The following ANTXR1 variants were observed in gnomAD, a reference collection of about 807,000 sequenced individuals.
ANTXR1 encodes anthrax toxin receptor 1.
In ANTXR1, 19 loss-of-function variants were observed where a neutral mutation model predicts 78.1. The observed-to-expected ratio is 0.24, with a 90% CI of 0.17 to 0.36. ANTXR1 has a LOEUF of 0.36. Ranked by LOEUF, ANTXR1 falls within the 10% of genes least tolerant of loss-of-function variation. The pLI, the probability that ANTXR1 is intolerant of heterozygous loss-of-function variation, is 1.00. For missense variants in ANTXR1, 518 were observed against 718.6 expected (o/e 0.72, Z 3.19); for synonymous variants, 273 against 260.5 (o/e 1.05, Z -0.46).
At chr2:69,148,171 G>A (rs566128136) in intron 12 of ANTXR1, among the ~76,000 whole-genome samples, 1 of 152,124 alleles carries the variant, frequency 6.6e-6, no homozygotes, top group South Asian at 2.1e-4. Context: ...GTTCCCCTGG[G>A]CTCAGGATAG....
At chr2:69,015,559 G>T (rs1392571129) in intron 1 of ANTXR1, among the ~76,000 whole-genome samples, 1 of 151,944 alleles carries the variant, frequency 6.6e-6, no homozygotes, top group Non-Finnish European at 1.5e-5. Flanking sequence ...AATGAAAAAG[G>T]TTAGATTTAT....
chr2:69,074,675 T>C (rs1670675476), intron 6 of ANTXR1, among the ~76,000 whole-genome samples: 1 of 151,932 alleles, frequency 6.6e-6, no homozygotes, highest in Non-Finnish European at 1.5e-5. Context: ...ATTTCTAACA[T>C]GAAGGAAAAA....
At chr2:69,226,563 G>A (rs899911192) in intron 17 of ANTXR1, among the ~76,000 whole-genome samples, 1 of 152,166 alleles carries the variant, frequency 6.6e-6, no homozygotes, top group African/African-American at 2.4e-5. Flanking sequence ...AGTGAGAGGA[G>A]GCTGAGAAGA....
rs62135615 is a variant in ANTXR1, at chr2:69,041,625, G to T, written c.224+1510G>T. 8.1e-3 allele frequency among the ~76,000 whole-genome samples: 1,232 copies of T among 152,240 alleles called. 17 individuals carry two copies. Among genetic ancestry groups the T allele is most frequent in the African/African-American group, 0.028 (1,158 of 41,546 alleles). ...CCTAGTTTATATATGAGGCTTATAA[G>T]AGAAAACATGTGCAAGCCCACCAGT... On this transcript the variant is annotated intron_variant, in intron 2 of 17. Coordinates refer to ENST00000303714, the MANE Select transcript of ANTXR1 (RefSeq NM_032208.3).
At chr2:69,245,083 A>G in intron 17 of ANTXR1, 142 bp from the exon 18 acceptor site, 1 of 927,784 alleles carries the variant, frequency 1.1e-6, no homozygotes, top group Non-Finnish European at 1.8e-6. Context: ...ACTTGTCCTC[A>G]AGTTCTACTA....
intron 1 of ANTXR1, among the ~76,000 whole-genome samples, chr2:69,027,303 C>T (rs140367619): frequency 2.4e-4 from 37 of 152,238 alleles, no homozygotes; most frequent in South Asian, 8.3e-4. Flanking sequence ...TCCAGGGAAA[C>T]GGCAGAGTTT....
chr2:69,206,831 G>A (rs1396895055), intron 17 of ANTXR1, among the ~76,000 whole-genome samples: 2 of 152,184 alleles, frequency 1.3e-5, no homozygotes, highest in Non-Finnish European at 2.9e-5. Context: ...ATCCACTGCT[G>A]GTGGGCCTCA....
intron 17 of ANTXR1, among the ~76,000 whole-genome samples, chr2:69,201,436 G>A (rs112643519): frequency 7.9e-5 from 12 of 152,244 alleles, no homozygotes; most frequent in South Asian, 2.1e-4. Context: ...CTGAGTTGCC[G>A]GCCGTGGGAG....
chr2:69,050,041 C>A (rs1468467219), intron 3 of ANTXR1, among the ~76,000 whole-genome samples: 2 of 152,150 alleles, frequency 1.3e-5, no homozygotes, highest in Non-Finnish European at 2.9e-5. Context: ...CACCTGTAAT[C>A]TCAGCACTTT....
rs947848071 is a variant in ANTXR1, at chr2:69,247,943, G to A, written c.*2458G>A. 3.3e-5 allele frequency: 5 copies of A among 153,434 alleles called. No individual in the cohort carries two copies. Among genetic ancestry groups the A allele is most frequent in the African/African-American group, 1.2e-4 (5 of 41,468 alleles). The allele number at this position is 153,434 out of a possible 1,614,324, so 9.5% of individuals were successfully genotyped here. On this transcript the variant is annotated 3_prime_UTR_variant, in exon 18 of 18. Coordinates refer to ENST00000303714, the MANE Select transcript of ANTXR1 (RefSeq NM_032208.3). Reference sequence around the variant, plus strand: ...GCAAATGTATGATGATTTTGAAAAGGCTCAGCAGGATTTGTTCTTAAACCG... The same window carrying A: ...GCAAATGTATGATGATTTTGAAAAGACTCAGCAGGATTTGTTCTTAAACCG...
At chr2:69,082,374 A>G (rs1343658671) in intron 8 of ANTXR1, among the ~76,000 whole-genome samples, 1 of 151,954 alleles carries the variant, frequency 6.6e-6, no homozygotes, top group Non-Finnish European at 1.5e-5. Flanking sequence ...TGGTGATAAA[A>G]TTACAAGAAG....
intron 3 of ANTXR1, among the ~76,000 whole-genome samples, chr2:69,063,243 G>T (rs533803492): frequency 8.0e-4 from 122 of 151,618 alleles, no homozygotes; most frequent in African/African-American, 2.8e-3. Flanking sequence ...GTGCATCATA[G>T]TCAAATTTCT....
chr2:69,223,550 T>C (rs1675371723), intron 17 of ANTXR1, among the ~76,000 whole-genome samples: 1 of 152,194 alleles, frequency 6.6e-6, no homozygotes, highest in Non-Finnish European at 1.5e-5. Context: ...TTAGCTCCAG[T>C]AAGTTTGATC....
intron 10 of ANTXR1, among the ~76,000 whole-genome samples, chr2:69,111,993 G>C (rs1399354901): frequency 2.0e-5 from 3 of 152,110 alleles, no homozygotes; most frequent in Non-Finnish European, 1.5e-5. Context: ...GCCATATGTT[G>C]GTCAAAGGCA....
At chr2:69,134,025 T>C (rs956538623) in intron 12 of ANTXR1, among the ~76,000 whole-genome samples, 49 of 152,282 alleles carry the variant, frequency 3.2e-4, no homozygotes, top group Admixed American at 2.6e-4. Context: ...GATGTTGTGG[T>C]CTCTATATGA....
At chr2:69,172,045 AC>A (rs931227807) in intron 14 of ANTXR1, among the ~76,000 whole-genome samples, 35 of 152,270 alleles carry the variant, frequency 2.3e-4, no homozygotes, top group African/African-American at 8.4e-4. Context: ...TCACGTGAAC[AC>A]CTGCAGTTGA....
chr2:69,153,584 T>C (rs1673454136), intron 13 of ANTXR1, among the ~76,000 whole-genome samples: 1 of 152,206 alleles, frequency 6.6e-6, no homozygotes, highest in Non-Finnish European at 1.5e-5. Context: ...GAGTTAAATG[T>C]TGTTTTAAAC....
chr2:69,152,314 T>G (rs766240102), intron 13 of ANTXR1, 50 bp downstream of exon 13: 1 of 1,559,310 alleles, frequency 6.4e-7, no homozygotes, highest in Non-Finnish European at 8.8e-7. Context: ...GACATAAAGT[T>G]CACAGACCAT....
chr2:69,122,044 CA>C (rs1672363492), intron 10 of ANTXR1, among the ~76,000 whole-genome samples: 1 of 152,202 alleles, frequency 6.6e-6, no homozygotes, highest in African/African-American at 2.4e-5. Context: ...CAGTTTTACT[CA>C]AAAACCCACC....
Sources: gnomAD v4.1 joint callset for allele counts (sites outside exome capture counted in the v4.1 genomes callset) on GRCh38, gnomAD v4.1.1 for gene constraint, MANE v1.5 for transcripts, NCBI Gene and HGNC (gene_info 2026-07-23, HGNC 2026-07-21) for gene names.